The following STT3B variants were observed in gnomAD, a reference collection of about 807,000 sequenced individuals.
STT3B encodes dolichyl-diphosphooligosaccharide--protein glycosyltransferase subunit STT3B.
STT3B carries 29 observed loss-of-function variants against 96.8 expected under a neutral mutation model. That is an observed-to-expected ratio of 0.30 (90% CI 0.22 to 0.41). The LOEUF is 0.41. Ranked by LOEUF, STT3B falls within the 10% of genes least tolerant of loss-of-function variation. STT3B has a pLI of 1.00. For missense variants in STT3B, 640 were observed against 1,022.3 expected (o/e 0.63, Z 5.10); for synonymous variants, 367 against 360.0 (o/e 1.02, Z -0.22).
At chr3:31,535,926 TAG>T (rs1253722691) in intron 1 of STT3B, among the ~76,000 whole-genome samples, 1 of 152,200 alleles carries the variant, frequency 6.6e-6, no homozygotes, top group Non-Finnish European at 1.5e-5. Context: ...TAATCTTGCT[TAG>T]TAGTAAGGAG....
intron 3 of STT3B, among the ~76,000 whole-genome samples, chr3:31,581,126 G>A (rs746450838): frequency 2.4e-4 from 36 of 152,068 alleles, no homozygotes; most frequent in Non-Finnish European, 4.7e-4. Flanking sequence ...AAGTTTTTAA[G>A]CAGTACAAAT....
intron 3 of STT3B, among the ~76,000 whole-genome samples, chr3:31,585,975 A>C (rs1329095195): frequency 6.6e-6 from 1 of 152,102 alleles, no homozygotes; most frequent in East Asian, 1.9e-4. Flanking sequence ...ATGCATAAGC[A>C]CAGATTGGTG....
At chr3:31,619,234 G>C (rs1699378302) in intron 8 of STT3B, among the ~76,000 whole-genome samples, 1 of 152,118 alleles carries the variant, frequency 6.6e-6, no homozygotes, top group South Asian at 2.1e-4. Context: ...GATTAGAGAT[G>C]CTGAACTGGT....
At chr3:31,615,730 G>C in intron 6 of STT3B, among the ~76,000 whole-genome samples, 1 of 151,778 alleles carries the variant, frequency 6.6e-6, no homozygotes, top group East Asian at 1.9e-4. Flanking sequence ...GTCTTTACAC[G>C]TATGCATTAC....
intron 1 of STT3B, among the ~76,000 whole-genome samples, chr3:31,561,329 C>T (rs950410066): frequency 5.3e-5 from 8 of 151,364 alleles, no homozygotes; most frequent in Non-Finnish European, 8.8e-5. Context: ...TTATGGGATA[C>T]GTGAGATATT....
At chr3:31,628,969 G>A (rs576662423) in intron 13 of STT3B, among the ~76,000 whole-genome samples, 1 of 152,254 alleles carries the variant, frequency 6.6e-6, no homozygotes, top group East Asian at 1.9e-4. Flanking sequence ...ATTTGGGCGT[G>A]GTGCCGTGGG....
chr3:31,600,549 T>G (rs1698906842), intron 5 of STT3B, 90 bp downstream of exon 5: 1 of 552,306 alleles, frequency 1.8e-6, no homozygotes, highest in Non-Finnish European at 3.2e-6. Flanking sequence ...TGGTCAATAT[T>G]ATGCATGAAA....
chr3:31,615,114 C>CTT lies in STT3B; in HGVS notation c.889_890dup (p.Tyr298SerfsTer6). ...TATTTTGTCTTTATAGCATATAGCA[C>CTT]TTTCTACATTGTGGGTTTAATATTA... On this transcript the variant is annotated frameshift_variant, in exon 6 of 16. Coordinates refer to ENST00000295770, the MANE Select transcript of STT3B (RefSeq NM_178862.3). LOFTEE classifies it high-confidence loss of function. The CTT allele has an allele frequency of 6.2e-7, 1 of 1,606,172 alleles. No homozygotes were observed. The highest frequency in any genetic ancestry group is 8.5e-7 in the Non-Finnish European group (1 of 1,174,608).
intron 1 of STT3B, among the ~76,000 whole-genome samples, chr3:31,557,822 C>G (rs992696771): frequency 6.6e-6 from 1 of 152,052 alleles, no homozygotes; most frequent in African/African-American, 2.4e-5. Context: ...TTAGTAGAGA[C>G]AGGGTTTCAC....
At position 31,551,226 on chromosome 3, in the gene STT3B, T is replaced by TTTGG. The variant is rs569392105; in HGVS notation, c.314+17917_314+17920dup. Among the ~76,000 whole-genome samples the TTTGG allele has an allele frequency of 2.1e-3, 322 of 152,014 alleles. 1 individual carries two copies. The highest frequency in any genetic ancestry group is 0.01 in the Middle Eastern group (3 of 294). The stretch of plus-strand genomic sequence containing the variant: ...TTTTGTTTGTTTGTTTGTTTGTTTG[T>TTTGG]TTGGTTTTTGATAGGGTCTTGTTCT... On this transcript the variant is annotated intron_variant, in intron 1 of 15. Coordinates refer to ENST00000295770, the MANE Select transcript of STT3B (RefSeq NM_178862.3).
chr3:31,584,876 A>G (rs989996133), intron 3 of STT3B, among the ~76,000 whole-genome samples: 11 of 152,156 alleles, frequency 7.2e-5, no homozygotes, highest in Admixed American at 2.6e-4. Context: ...CTACAGAATT[A>G]TAATAGATGA....
At chr3:31,616,375 A>C (rs1375056250) in intron 6 of STT3B, among the ~76,000 whole-genome samples, 2 of 150,788 alleles carry the variant, frequency 1.3e-5, no homozygotes, top group Non-Finnish European at 3.0e-5. Flanking sequence ...GATGAGAGAG[A>C]CTTCCCAGTT....
intron 1 of STT3B, among the ~76,000 whole-genome samples, chr3:31,574,194 G>C (rs539573664): frequency 6.6e-6 from 1 of 151,794 alleles, no homozygotes; most frequent in Non-Finnish European, 1.5e-5. Context: ...CAGAAGTTTC[G>C]GGGGGGTGTT....
chr3:31,592,428 T>C lies in STT3B; in HGVS notation c.712-4370T>C, dbSNP rs139242109. ...ACAAATCTCTCTCCAAGACCTTGCT[T>C]TCAATTATTGTGAGTATATACCTTG... On this transcript the variant is annotated intron_variant, in intron 3 of 15. Coordinates refer to ENST00000295770, the MANE Select transcript of STT3B (RefSeq NM_178862.3). Among the ~76,000 whole-genome samples the C allele has an allele frequency of 3.5e-4, 54 of 152,332 alleles. 1 individual carries two copies. In the East Asian group the frequency reaches 7.3e-3, roughly 21 times the overall value.
chr3:31,629,485 A>G, intron 14 of STT3B, 74 bp downstream of exon 14: 1 of 744,580 alleles, frequency 1.3e-6, no homozygotes, highest in Non-Finnish European at 2.2e-6. Context: ...CCTCTAGAAA[A>G]CAGGATAATG....
intron 11 of STT3B, 84 bp from the exon 12 acceptor site, chr3:31,624,830 C>T (rs2125476984): frequency 9.9e-7 from 1 of 1,012,484 alleles, no homozygotes; most frequent in Non-Finnish European, 1.5e-6. Context: ...TGAAAGTATT[C>T]AGTGGTTTAA....
intron 11 of STT3B, among the ~76,000 whole-genome samples, chr3:31,624,180 ACTGT>A (rs1559391316): frequency 6.6e-6 from 1 of 152,002 alleles, no homozygotes; most frequent in Non-Finnish European, 1.5e-5. Flanking sequence ...ATTATTTTTG[ACTGT>A]AATCACACTG....
chr3:31,624,498 G>T (rs1699490790), intron 11 of STT3B, among the ~76,000 whole-genome samples: 2 of 152,144 alleles, frequency 1.3e-5, no homozygotes, highest in Non-Finnish European at 2.9e-5. Flanking sequence ...AGAAACCTGG[G>T]GCTGGGGCCT....
At chr3:31,579,708 C>T in intron 2 of STT3B, 101 bp from the exon 3 acceptor site, 1 of 946,154 alleles carries the variant, frequency 1.1e-6, no homozygotes. Flanking sequence ...TGCTTTCAAA[C>T]TTATGTAAGG....
Sources: allele counts gnomAD v4.1 joint callset (sites outside exome capture counted in the v4.1 genomes callset), GRCh38; gene constraint gnomAD v4.1.1; transcripts MANE v1.5; gene names NCBI Gene and HGNC (gene_info 2026-07-23, HGNC 2026-07-21).